The following C2orf76 variants were observed in gnomAD, a reference collection of about 807,000 sequenced individuals.
C2orf76 encodes UPF0538 protein C2orf76.
C2orf76 carries 23 observed loss-of-function variants against 16.9 expected under a neutral mutation model. That is an observed-to-expected ratio of 1.36 (90% CI 0.98 to 1.93). C2orf76 has a LOEUF of 1.93. C2orf76 is among the 30% of genes most tolerant of loss of function. C2orf76 has a pLI of 0.00. For missense variants in C2orf76, 152 were observed against 152.6 expected (o/e 1.00, Z 0.02); for synonymous variants, 48 against 52.3 (o/e 0.92, Z 0.35).
downstream of C2orf76, among the ~76,000 whole-genome samples, chr2:119,302,030 T>G (rs1352776662): frequency 1.3e-5 from 2 of 151,856 alleles, no homozygotes; most frequent in African/African-American, 4.8e-5. Context: ...AAGGTAGCCA[T>G]GAAGGTCAAG....
rs368498496 is a variant in C2orf76, at chr2:119,333,944, T to C, written c.133+5883A>G. On this transcript the variant is annotated intron_variant, in intron 2 of 5. Transcript: ENST00000334816. Reference sequence around the variant, plus strand: ...GACCCTTCAATGCGTGTTCAATGCATGTTTCTCTGTTCTTTTTTTCTTTTT... The same window carrying C: ...GACCCTTCAATGCGTGTTCAATGCACGTTTCTCTGTTCTTTTTTTCTTTTT... 1.2e-4 allele frequency among the ~76,000 whole-genome samples: 18 copies of C among 152,270 alleles called. No individual in the cohort carries two copies. In the South Asian group the frequency reaches 3.5e-3, roughly 30 times the overall value.
chr2:119,355,089 A>G (rs1428697457), intron 1 of C2orf76, among the ~76,000 whole-genome samples: 1 of 152,228 alleles, frequency 6.6e-6, no homozygotes, highest in Non-Finnish European at 1.5e-5. Flanking sequence ...CAAGATATGC[A>G]AGACTCTCCA....
At chr2:119,343,512 ACACT>A (rs111999399) in intron 1 of C2orf76, among the ~76,000 whole-genome samples, 30 of 139,820 alleles carry the variant, frequency 2.1e-4, no homozygotes, top group Middle Eastern at 7.2e-3. Context: ...ACACACACAC[ACACT>A]GGGAAGCGCT....
intron 3 of C2orf76, among the ~76,000 whole-genome samples, chr2:119,318,532 ATT>A (rs10661549): frequency 3.6e-3 from 521 of 144,386 alleles, no homozygotes; most frequent in Admixed American, 6.6e-3. Flanking sequence ...ATCTATTGCA[ATT>A]TTTTTTTTTT....
rs59164044 is a variant in C2orf76, at chr2:119,317,732, A to AGT, written c.185-231_185-230dup. On this transcript the variant is annotated intron_variant, in intron 3 of 5. Coordinates refer to ENST00000334816, the MANE Select transcript of C2orf76 (RefSeq NM_001322331.2). ...AAAGCCTTGGTCTTTGACACACAGC[A>AGT]GTGTGTGTGTCAGAACTTTTTGTCA... Among the ~76,000 whole-genome samples the AGT allele has an allele frequency of 1.5e-3, 227 of 152,020 alleles. 1 individual carries two copies. The highest frequency in any genetic ancestry group is 4.1e-3 in the African/African-American group (171 of 41,420).
chr2:119,348,046 CAAAAA>C (rs1205382710), intron 1 of C2orf76, among the ~76,000 whole-genome samples: 1 of 81,988 alleles, frequency 1.2e-5, no homozygotes, highest in African/African-American at 4.7e-5. Context: ...GGCTCTGTCT[CAAAAA>C]AAAAAAAAAA....
chr2:119,362,399 A>G (rs1421808908), intron 1 of C2orf76, among the ~76,000 whole-genome samples: 2 of 152,076 alleles, frequency 1.3e-5, no homozygotes, highest in African/African-American at 4.8e-5. Flanking sequence ...TGTATTTCTA[A>G]TTTTCTTGTT....
At chr2:119,328,194 T>C (rs569804437) in intron 2 of C2orf76, among the ~76,000 whole-genome samples, 15 of 152,258 alleles carry the variant, frequency 9.9e-5, no homozygotes, top group Non-Finnish European at 1.8e-4. Context: ...TCTGTAGAAT[T>C]GAGATTATTT....
chr2:119,330,382 A>G (rs1282915264), intron 2 of C2orf76, among the ~76,000 whole-genome samples: 1 of 150,952 alleles, frequency 6.6e-6, no homozygotes, highest in African/African-American at 2.4e-5. Context: ...TTAATCCAGT[A>G]TCTTCTTTCT....
At chr2:119,351,272 AT>A (rs1680393836) in intron 1 of C2orf76, among the ~76,000 whole-genome samples, 1 of 152,178 alleles carries the variant, frequency 6.6e-6, no homozygotes, top group Non-Finnish European at 1.5e-5. Context: ...ACAATATTTA[AT>A]ATTTTCTCCA....
chr2:119,333,679 T>C (rs571657323), intron 2 of C2orf76, among the ~76,000 whole-genome samples: 3 of 152,354 alleles, frequency 2.0e-5, no homozygotes, highest in Admixed American at 6.5e-5. Flanking sequence ...AAGTGGTACA[T>C]ATATGGTCCA....
the C2orf76 span, among the ~76,000 whole-genome samples, chr2:119,281,786 G>A: frequency 5.3e-5 from 8 of 152,234 alleles, 2 homozygotes; most frequent in Admixed American, 5.2e-4. Flanking sequence ...GCTCTCAAAA[G>A]AACAGAGAGA....
intron 2 of C2orf76, among the ~76,000 whole-genome samples, chr2:119,332,706 T>TAATAGC (rs1180746558): frequency 6.6e-6 from 1 of 152,162 alleles, no homozygotes; most frequent in Non-Finnish European, 1.5e-5. Context: ...TTCCAAAGAC[T>TAATAGC]AATAGCCAGG....
the C2orf76 span, among the ~76,000 whole-genome samples, chr2:119,284,807 T>A: frequency 6.6e-6 from 1 of 152,192 alleles, no homozygotes; most frequent in Admixed American, 6.5e-5. Flanking sequence ...AATCTTATGG[T>A]TGATAATTTT....
Position 119,339,830 on chromosome 2 carries a change from G to T in C2orf76, c.130C>A (p.Gln44Lys). ...AAATGGCTTTCACATCTCATACCTT[G>T]CTTTAGAAATACGATAAATTCCTTT... The part of the protein sequence containing the change: ...TVKEFIVFLK[Q>K]DIPLRTNLPP... Residue 44 changes from glutamine (Q) to lysine (K), a missense_variant, in exon 2 of 6, where the codon CAA becomes AAA. Transcript: ENST00000334816. The T allele has an allele frequency of 6.3e-7, 1 of 1,595,962 alleles. No individual in the cohort carries two copies. Among genetic ancestry groups the T allele is most frequent in the African/African-American group, 1.3e-5 (1 of 74,836 alleles).
At chr2:119,312,464 C>T (rs1207894189) in intron 4 of C2orf76, among the ~76,000 whole-genome samples, 1 of 151,984 alleles carries the variant, frequency 6.6e-6, no homozygotes, top group Non-Finnish European at 1.5e-5. Context: ...TGCCCAGGCT[C>T]GTCTCAAACT....
At chr2:119,288,023 G>A in the C2orf76 span, among the ~76,000 whole-genome samples, 1 of 152,132 alleles carries the variant, frequency 6.6e-6, no homozygotes, top group African/African-American at 2.4e-5. Flanking sequence ...AGGGGACTGT[G>A]ATGGCACAAA....
intron 2 of C2orf76, among the ~76,000 whole-genome samples, chr2:119,332,103 A>G (rs1003235741): frequency 1.3e-5 from 2 of 152,214 alleles, no homozygotes; most frequent in African/African-American, 4.8e-5. Flanking sequence ...AAATGTTAAA[A>G]CACACATTTC....
At chr2:119,316,734 A>T (rs1679185016) in intron 4 of C2orf76, among the ~76,000 whole-genome samples, 2 of 152,226 alleles carry the variant, frequency 1.3e-5, no homozygotes, top group African/African-American at 4.8e-5. Flanking sequence ...ATGACAAATA[A>T]TATCTTATTC....
Sources: allele counts gnomAD v4.1 joint callset (sites outside exome capture counted in the v4.1 genomes callset), GRCh38; gene constraint gnomAD v4.1.1; transcripts MANE v1.5; gene names NCBI Gene and HGNC (gene_info 2026-07-23, HGNC 2026-07-21).